CTDP1: variants seen among roughly 807,000 people sequenced by gnomAD.
CTDP1 encodes the protein RNA polymerase II subunit A C-terminal domain phosphatase.
CTDP1 carries 47 observed loss-of-function variants against 91.8 expected under a neutral mutation model. The ratio of observed to expected loss-of-function variants is 0.51; its 90% CI spans 0.41 to 0.65. The LOEUF is 0.65. Ranked by LOEUF, CTDP1 falls within the 30% of genes least tolerant of loss-of-function variation. The pLI, the probability that CTDP1 is intolerant of heterozygous loss-of-function variation, is 0.00. For missense variants in CTDP1, 1,272 were observed against 1,373.7 expected (o/e 0.93, Z 1.17); for synonymous variants, 656 against 598.5 (o/e 1.10, Z -1.40).
intron 9 of CTDP1, 31 bp downstream of exon 9, chr18:79,717,707 G>A (rs1463990401): frequency 6.2e-7 from 1 of 1,613,960 alleles, no homozygotes; most frequent in East Asian, 2.2e-5. Context: ...GCAGGTCCGT[G>A]CCAGGCGTTC....
chr18:79,741,492 A>G (rs981176326), intron 12 of CTDP1, among the ~76,000 whole-genome samples: 2 of 152,252 alleles, frequency 1.3e-5, no homozygotes, highest in African/African-American at 2.4e-5. Context: ...GGTCGTTCCC[A>G]TGATCTGTTG....
At chr18:79,699,453 C>T (rs997508806) in intron 4 of CTDP1, among the ~76,000 whole-genome samples, 5 of 151,952 alleles carry the variant, frequency 3.3e-5, no homozygotes, top group African/African-American at 7.3e-5. Context: ...TTAGTAGAGA[C>T]GGGGTTTCAC....
chr18:79,680,021 C>A lies in CTDP1; in HGVS notation c.74C>A (p.Pro25Gln). Residue 25 changes from proline (P) to glutamine (Q), a missense_variant, in exon 1 of 13, where the codon CCG becomes CAG. Pro to Gln is a moderately conservative substitution (Grantham distance 76). Around this residue, in one of 3 missense-constraint regions of CTDP1, gnomAD observed 214 missense variants for 179.1 expected, o/e 1.19. Transcript: ENST00000613122. The stretch of plus-strand genomic sequence containing the variant: ...GCGGCTGTGGCCGAGGTGCGCTGCC[C>A]GGGGCCCGCGCCGCTGCGCCTGCTG... Reference protein sequence around the residue: ...PTAAVAEVRCPGPAPLRLLEW... With the variant: ...PTAAVAEVRCQGPAPLRLLEW... 1 of 1,271,114 alleles carries A rather than the reference C, an allele frequency of 7.9e-7. No individual in the cohort carries two copies. The highest frequency in any genetic ancestry group is 9.9e-7 in the Non-Finnish European group (1 of 1,012,622). The allele number at this position is 1,271,114 out of a possible 1,614,324, so 78.7% of individuals were successfully genotyped here. A position where few individuals can be genotyped will look rare whatever the true frequency, so the allele number is the denominator to read the frequency against.
Position 79,715,458 on chromosome 18 carries a change from G to A in CTDP1, c.1998G>A (p.Lys666=), listed in dbSNP as rs776325532. 2.5e-6 allele frequency: 4 copies of A among 1,588,490 alleles called. No homozygotes were observed. Among genetic ancestry groups the A allele is most frequent in the Non-Finnish European group, 3.4e-6 (4 of 1,168,084 alleles). The change falls in exon 8 of 13, where the codon AAG becomes AAA. Residue 666 remains lysine, a synonymous_variant. Transcript: ENST00000613122. ...ACCACGCCACGGCGCTGGGAGCGAAGATCCTCACTCGGCTGGTGCTGAGCC... is the reference window on the plus strand; with the variant it reads ...ACCACGCCACGGCGCTGGGAGCGAAAATCCTCACTCGGCTGGTGCTGAGCC... ...EHYHATALGA[K]ILTRLVLSPD... is the part of the protein sequence containing the mutation.
At chr18:79,712,455 T>C (rs2086104024) in intron 6 of CTDP1, among the ~76,000 whole-genome samples, 2 of 152,148 alleles carry the variant, frequency 1.3e-5, no homozygotes, top group Admixed American at 1.3e-4. Context: ...CTAACTTTTG[T>C]ATGTTTTGTA....
Position 79,679,930 on chromosome 18 carries a change from G to A in CTDP1, c.-18G>A. 7.3e-7 allele frequency: 1 copy of A among 1,374,922 alleles called. No individual in the cohort carries two copies. Among genetic ancestry groups the A allele is most frequent in the Non-Finnish European group, 9.4e-7 (1 of 1,059,684 alleles). The allele number at this position is 1,374,922 out of a possible 1,614,324, so 85.2% of individuals were successfully genotyped here. ...AGCGCAGGCCCCGTACCGACCGCCC[G>A]CCCGCCCTCTGTCCGCGATGGAGGT... On this transcript the variant is annotated 5_prime_UTR_variant, in exon 1 of 13. Transcript: ENST00000613122.
intron 11 of CTDP1, among the ~76,000 whole-genome samples, chr18:79,730,672 G>T (rs1437861880): frequency 6.6e-6 from 1 of 152,228 alleles, no homozygotes; most frequent in Non-Finnish European, 1.5e-5. Context: ...TTATGTTCGT[G>T]AATTTTTAAA....
At chr18:79,699,179 T>C (rs1212499333) in intron 4 of CTDP1, among the ~76,000 whole-genome samples, 1 of 152,174 alleles carries the variant, frequency 6.6e-6, no homozygotes, top group South Asian at 2.1e-4. Context: ...TACACAGCAG[T>C]CTATTCTTCT....
At chr18:79,724,089 A>G (rs1446813265) in intron 10 of CTDP1, among the ~76,000 whole-genome samples, 1 of 152,208 alleles carries the variant, frequency 6.6e-6, no homozygotes, top group Non-Finnish European at 1.5e-5. Context: ...GGAATGCTCC[A>G]AGGTTCGCAT....
intron 12 of CTDP1, among the ~76,000 whole-genome samples, chr18:79,744,567 A>C (rs2086840863): frequency 6.6e-6 from 1 of 152,252 alleles, no homozygotes; most frequent in Non-Finnish European, 1.5e-5. Context: ...GTGTTCCGCT[A>C]ATATCAGAGA....
downstream of CTDP1, chr18:79,754,697 T>C (rs2087069472): frequency 6.6e-6 from 1 of 152,244 alleles, no homozygotes; most frequent in Admixed American, 6.5e-5. Context: ...ACCAGGCTTG[T>C]AGCTGGTATT....
Position 79,736,378 on chromosome 18 carries a change from C to G in CTDP1, c.2604C>G (p.Gly868=). Residue 868 remains glycine, a synonymous_variant, in exon 12 of 13, where the codon GGC becomes GGG. Coordinates refer to ENST00000613122, the MANE Select transcript of CTDP1 (RefSeq NM_004715.5). ...DKEVDDILGE[G]SDDSDSEKRR... ...AGGTGGACGACATCCTTGGAGAAGGCAGCGACGACAGCGACAGCGAGAAGA... is the reference window on the plus strand; with the variant it reads ...AGGTGGACGACATCCTTGGAGAAGGGAGCGACGACAGCGACAGCGAGAAGA... 3 of 1,549,322 alleles carry G rather than the reference C, an allele frequency of 1.9e-6. No homozygotes were observed. Among genetic ancestry groups the G allele is most frequent in the South Asian group, 1.2e-5 (1 of 83,976 alleles).
chr18:79,690,943 G>A (rs930930655), intron 1 of CTDP1, among the ~76,000 whole-genome samples: 1 of 152,216 alleles, frequency 6.6e-6, no homozygotes, highest in Admixed American at 6.5e-5. Context: ...TCACGTTGCT[G>A]GAAGCCTGCG....
chr18:79,734,771 T>C (rs753205297), intron 11 of CTDP1, among the ~76,000 whole-genome samples: 1 of 152,270 alleles, frequency 6.6e-6, no homozygotes, highest in African/African-American at 2.4e-5. Context: ...CGTAGGAGAT[T>C]TGCCATCGAA....
At chr18:79,690,538 C>T (rs1042019777) in intron 1 of CTDP1, among the ~76,000 whole-genome samples, 3 of 152,200 alleles carry the variant, frequency 2.0e-5, no homozygotes, top group Non-Finnish European at 4.4e-5. Context: ...CTGCCTGGAG[C>T]GTGGAGGCTG....
chr18:79,739,059 A>G (rs2086722485), intron 12 of CTDP1, among the ~76,000 whole-genome samples: 1 of 152,198 alleles, frequency 6.6e-6, no homozygotes, highest in Non-Finnish European at 1.5e-5. Flanking sequence ...GGAGGGTTCC[A>G]CTGCCCTCCC....
At chr18:79,742,180 AT>A (rs1380482530) in intron 12 of CTDP1, among the ~76,000 whole-genome samples, 29 of 73,330 alleles carry the variant, frequency 4.0e-4, no homozygotes, top group East Asian at 6.1e-4. Context: ...AGCATGAAGC[AT>A]GAGAGAGAGA....
chr18:79,713,569 G>A lies in CTDP1; in HGVS notation c.1030+431G>A, dbSNP rs1247528383. Among the ~76,000 whole-genome samples the A allele has an allele frequency of 1.3e-5, 2 of 152,268 alleles. No individual in the cohort carries two copies. The highest frequency in any genetic ancestry group is 6.5e-5 in the Admixed American group (1 of 15,292). On this transcript the variant is annotated intron_variant, in intron 7 of 12. Transcript: ENST00000613122. The surrounding 1 kb of genome is among the most constrained non-coding windows in gnomAD (Gnocchi z 4.7). ...GCTGGCTGGGGCCCCAGAGAGCAGC[G>A]TGGTTTAACTTGTCAGTCAGGCATG...
At chr18:79,687,779 G>A (rs1325062431) in intron 1 of CTDP1, among the ~76,000 whole-genome samples, 2 of 152,280 alleles carry the variant, frequency 1.3e-5, no homozygotes, top group East Asian at 1.9e-4. Context: ...CAGGCTGGAA[G>A]CATTTGACAC....
Sources: gnomAD v4.1 joint callset for allele counts (sites outside exome capture counted in the v4.1 genomes callset) on GRCh38, gnomAD v4.1.1 for gene constraint, gnomAD v4.1.1 regional missense constraint, Gnocchi (gnomAD v3.1) non-coding constraint, MANE v1.5 for transcripts, NCBI Gene and HGNC (gene_info 2026-07-23, HGNC 2026-07-21) for gene names.